RUNX1T1: variants seen among roughly 807,000 people sequenced by gnomAD.
The protein encoded by RUNX1T1 is protein CBFA2T1.
In RUNX1T1, 4 loss-of-function variants were observed where a neutral mutation model predicts 62.8. The observed-to-expected ratio is 0.06, with a 90% CI of 0.03 to 0.15. The LOEUF (loss-of-function observed/expected upper bound fraction) is 0.15, where lower values mean the gene tolerates loss of function less well. Among genes scored for constraint, RUNX1T1 ranks in the 10% least tolerant of loss-of-function variants. The pLI, the probability that RUNX1T1 is intolerant of heterozygous loss-of-function variation, is 1.00. For missense variants in RUNX1T1, 508 were observed against 754.3 expected, an observed-to-expected ratio of 0.67 and a Z score of 3.82; for synonymous variants, 291 against 286.0, an observed-to-expected ratio of 1.02 and a Z score of -0.18.
chr8:92,017,176 T>C (rs759028636), intron 2 of RUNX1T1, 50 bp downstream of exon 3: 2 of 1,330,156 alleles, frequency 1.5e-6, no homozygotes, highest in South Asian at 2.5e-5. Flanking sequence ...AGAAAAAAAT[T>C]TAATTTAAAC....
intron 1 of RUNX1T1, among the ~76,000 whole-genome samples, chr8:92,026,601 C>A (rs1006683263): frequency 6.6e-5 from 10 of 151,998 alleles, no homozygotes; most frequent in Non-Finnish European, 1.5e-4. Flanking sequence ...GCAGGCGGAT[C>A]ACGAGGTCAG....
chr8:92,012,805 T>C (rs1018023849), intron 3 of RUNX1T1, among the ~76,000 whole-genome samples: 6 of 151,776 alleles, frequency 4.0e-5, no homozygotes, highest in African/African-American at 1.5e-4. Context: ...TTATGTAAAA[T>C]GGCTTGTAAG....
chr8:91,999,436 G>A (rs1206552233), intron 5 of RUNX1T1, among the ~76,000 whole-genome samples: 4 of 152,120 alleles, frequency 2.6e-5, no homozygotes, highest in Admixed American at 6.5e-5. Context: ...AGAACTATAG[G>A]AAAGAATCTA....
At chr8:92,031,973 A>C (rs1826316466) in intron 1 of RUNX1T1, among the ~76,000 whole-genome samples, 1 of 151,754 alleles carries the variant, frequency 6.6e-6, no homozygotes, top group African/African-American at 2.4e-5. Context: ...CACACCTGTA[A>C]TCCCAGCTAC....
At chr8:92,002,349 C>T (rs1819922806) in intron 5 of RUNX1T1, among the ~76,000 whole-genome samples, 1 of 151,530 alleles carries the variant, frequency 6.6e-6, no homozygotes, top group Non-Finnish European at 1.5e-5. Flanking sequence ...AAACAAAAAA[C>T]AAAAAACAAT....
intron 1 of RUNX1T1, among the ~76,000 whole-genome samples, chr8:92,090,093 G>T (rs879703526): frequency 1.2e-4 from 18 of 151,960 alleles, no homozygotes; most frequent in Admixed American, 1.2e-3. Flanking sequence ...CCTGAGGGCT[G>T]GAATGCACCC....
At position 91,959,482 on chromosome 8, in the gene RUNX1T1, GTGTGTGTATA is replaced by G. The variant is rs1563591797; in HGVS notation, c.*750_*759del. On this transcript the variant is annotated 3_prime_UTR_variant, in exon 11 of 11. Coordinates refer to ENST00000396218, the Ensembl canonical transcript of RUNX1T1. ...TGTGTGTGTGTATATGTGCGTGTGTGTGTGTGTATATATATATATATATATATATATATGG... is the reference window on the plus strand; with the variant it reads ...TGTGTGTGTGTATATGTGCGTGTGTGTATATATATATATATATATATATGG... 1,020 of 170,726 alleles carry G rather than the reference GTGTGTGTATA, an allele frequency of 6.0e-3. 26 individuals carry two copies. The highest frequency in any genetic ancestry group is 0.016 in the African/African-American group (596 of 37,250). 10.6% of individuals were successfully genotyped at this position (170,726 alleles called of 1,614,324 possible).
intron 1 of RUNX1T1, among the ~76,000 whole-genome samples, chr8:92,053,795 T>C (rs1278139526): frequency 6.6e-6 from 1 of 152,194 alleles, no homozygotes; most frequent in African/African-American, 2.4e-5. Flanking sequence ...ATTAAGCAAA[T>C]ATTTGCTGAT....
intron 1 of RUNX1T1, among the ~76,000 whole-genome samples, chr8:92,077,712 T>A (rs1376727786): frequency 6.6e-6 from 1 of 152,124 alleles, no homozygotes. Flanking sequence ...AAGTGGATCA[T>A]GCCCCTATAT....
At chr8:92,000,305 A>T (rs1452939288) in intron 5 of RUNX1T1, among the ~76,000 whole-genome samples, 2 of 152,140 alleles carry the variant, frequency 1.3e-5, no homozygotes, top group South Asian at 2.1e-4. Context: ...CATCTCAAAA[A>T]AAATAAATAA....
exon 8 of RUNX1T1, chr8:91,986,191 T>G (rs771662212): frequency 5.0e-6 from 8 of 1,612,738 alleles, no homozygotes; most frequent in Non-Finnish European, 6.8e-6. Flanking sequence ...TGCCGCCACC[T>G]TTTTTTAAGT....
intron 10 of RUNX1T1, among the ~76,000 whole-genome samples, chr8:91,967,030 A>C (rs1563618165): frequency 6.6e-6 from 1 of 152,206 alleles, no homozygotes; most frequent in Non-Finnish European, 1.5e-5. Context: ...ACACTTACTG[A>C]CCATGAGACA....
chr8:92,010,048 T>C (rs766533650), intron 4 of RUNX1T1: 10 of 152,224 alleles, frequency 6.6e-5, no homozygotes, highest in Non-Finnish European at 1.2e-4. Flanking sequence ...CTTATGTGTC[T>C]GATACAGTTT....
At chr8:92,050,015 T>C (rs1277720870) in intron 1 of RUNX1T1, among the ~76,000 whole-genome samples, 1 of 152,156 alleles carries the variant, frequency 6.6e-6, no homozygotes, top group Non-Finnish European at 1.5e-5. Flanking sequence ...GTAACCTTCA[T>C]ATATATAACC....
At chr8:92,077,645 T>A (rs1403552694) in intron 1 of RUNX1T1, among the ~76,000 whole-genome samples, 1 of 152,100 alleles carries the variant, frequency 6.6e-6, no homozygotes, top group Non-Finnish European at 1.5e-5. Flanking sequence ...GATTCAATCA[T>A]AATATATATT....
At chr8:91,975,703 T>G (rs1184841185) in intron 9 of RUNX1T1, among the ~76,000 whole-genome samples, 3 of 152,194 alleles carry the variant, frequency 2.0e-5, no homozygotes, top group Non-Finnish European at 4.4e-5. Context: ...GTTACTAAAA[T>G]AAAAATGATT....
intron 2 of RUNX1T1, among the ~76,000 whole-genome samples, chr8:92,075,133 A>C (rs1043034126): frequency 1.1e-4 from 16 of 152,298 alleles, no homozygotes; most frequent in East Asian, 7.7e-4. Flanking sequence ...CTTTCTACGT[A>C]GTCAGTCAGT....
intron 1 of RUNX1T1, among the ~76,000 whole-genome samples, chr8:92,089,624 A>G (rs1316266004): frequency 3.3e-5 from 5 of 152,072 alleles, no homozygotes; most frequent in Non-Finnish European, 4.4e-5. Context: ...CATCTTGTCC[A>G]GTAACTATGA....
chr8:91,992,574 C>T (rs1359727896), intron 5 of RUNX1T1, among the ~76,000 whole-genome samples: 1 of 152,126 alleles, frequency 6.6e-6, no homozygotes, highest in Non-Finnish European at 1.5e-5. Flanking sequence ...TCAAACTGAG[C>T]AAATACCGTA....
Sources: allele counts gnomAD v4.1 joint callset (sites outside exome capture counted in the v4.1 genomes callset), GRCh38; gene constraint gnomAD v4.1.1; transcripts MANE v1.5; gene names NCBI Gene and HGNC (gene_info 2026-07-23, HGNC 2026-07-21).